Variants in ABCG5 observed in about 807,000 individuals in gnomAD.
The protein encoded by ABCG5 is ATP binding cassette subfamily G member 5.
A neutral mutation model predicts 64.5 loss-of-function variants in ABCG5; 64 were observed. The ratio of observed to expected loss-of-function variants is 0.99; its 90% CI spans 0.81 to 1.22. The LOEUF is 1.22. ABCG5 is among the 50% of genes most tolerant of loss of function. The probability of loss-of-function intolerance (pLI) is 0.00; values close to 1 mark genes in which losing one functional copy is unlikely to be tolerated. For synonymous variants in ABCG5, 385 were observed against 326.3 expected, an observed-to-expected ratio of 1.18 and a Z score of -1.94; for missense variants, 908 against 829.5, an observed-to-expected ratio of 1.09 and a Z score of -1.16.
intron 2 of ABCG5, among the ~76,000 whole-genome samples, chr2:43,837,116 C>A: frequency 7.0e-6 from 1 of 142,362 alleles, no homozygotes; most frequent in Admixed American, 7.2e-5. Context: ...TATTATTCTC[C>A]AGTCTTTTTT....
Position 43,838,251 on chromosome 2 carries a change from C to T in ABCG5, c.143+286G>A, listed in dbSNP as rs1051736570. 5.9e-5 allele frequency: 35 copies of T among 594,284 alleles called. No homozygotes were observed. Among genetic ancestry groups the T allele is most frequent in the Middle Eastern group, 9.1e-4 (2 of 2,202 alleles). 36.8% of individuals were successfully genotyped at this position (594,284 alleles called of 1,614,324 possible). A position where few individuals can be genotyped will look rare whatever the true frequency, so the allele number is the denominator to read the frequency against. On this transcript the variant is annotated intron_variant, in intron 1 of 12. Transcript: ENST00000405322. The surrounding 1 kb of genome is among the most constrained non-coding windows in gnomAD (Gnocchi z 4.2). ...TTCAAGACTCCTTGCATTCGCAGTA[C>T]CCCCATTCCCATCCACAGAGGGCAG...
chr2:43,823,017 T>C, intron 9 of ABCG5, 82 bp from the exon 10 acceptor site: 30 of 1,515,116 alleles, frequency 2.0e-5, no homozygotes, highest in Non-Finnish European at 2.7e-5. Flanking sequence ...GAATGTGAGG[T>C]CTGTCAGGGC....
intron 7 of ABCG5, 58 bp downstream of exon 7, chr2:43,824,831 T>C: frequency 6.2e-7 from 1 of 1,600,968 alleles, no homozygotes; most frequent in Non-Finnish European, 8.6e-7. Flanking sequence ...CAGGCAGAAG[T>C]CTGAGATGAG....
Position 43,837,948 on chromosome 2 carries a change from C to A in ABCG5, c.151G>T (p.Val51Leu). The A allele has an allele frequency of 6.2e-7, 1 of 1,613,980 alleles. No homozygotes were observed. Among genetic ancestry groups the A allele is most frequent in the Non-Finnish European group, 8.5e-7 (1 of 1,179,920 alleles). ...GATGTGATGTCCCACCAGGGCCTCA[C>A]GCGGTGGCTTTAAAGGAAACCCCAG... Reference protein sequence around the residue: ...LHASYSVSHRVRPWWDITSCR... With the variant: ...LHASYSVSHRLRPWWDITSCR... Residue 51 changes from valine to leucine, a missense_variant, in exon 2 of 13, where the codon GTG becomes TTG. By Grantham distance (32) the Val-to-Leu change is conservative. Coordinates refer to ENST00000405322, the MANE Select transcript of ABCG5 (RefSeq NM_022436.3).
intron 2 of ABCG5, among the ~76,000 whole-genome samples, chr2:43,835,958 A>T (rs1383895845): frequency 6.6e-6 from 1 of 150,880 alleles, no homozygotes; most frequent in East Asian, 1.9e-4. Flanking sequence ...TTTTTTTTTA[A>T]GATGGAGTCT....
chr2:43,837,058 A>G (rs1017692333), intron 2 of ABCG5, among the ~76,000 whole-genome samples: 1 of 149,946 alleles, frequency 6.7e-6, no homozygotes, highest in African/African-American at 2.4e-5. Flanking sequence ...AAGAAAAACG[A>G]CCAGATAAGA....
Position 43,814,550 on chromosome 2 carries a change from A to T in ABCG5, c.1689T>A (p.Ser563Arg), listed in dbSNP as rs1295585629. ...TGCAATATTTTTGGAATGTAAAATA[A>T]CTGATGATTTTAAAAGGAATGGGCA... ...QEMPIPFKII[S>R]YFTFQKYCSE... Residue 563 changes from serine (S) to arginine (R), a missense_variant, in exon 12 of 13, where the codon AGT becomes AGA. Ser to Arg is a moderately radical substitution (Grantham distance 110, BLOSUM62 -1). Transcript: ENST00000405322. 6.2e-7 allele frequency: 1 copy of T among 1,608,452 alleles called. No homozygotes were observed. The highest frequency in any genetic ancestry group is 2.2e-5 in the East Asian group (1 of 44,730).
chr2:43,834,106 G>A (rs963230500), intron 2 of ABCG5, among the ~76,000 whole-genome samples: 4 of 152,218 alleles, frequency 2.6e-5, no homozygotes, highest in African/African-American at 9.7e-5. Flanking sequence ...TAGCCCCTGC[G>A]TGTTCAGGAG....
intron 5 of ABCG5, 46 bp from the exon 6 acceptor site, chr2:43,826,567 G>A: frequency 6.2e-7 from 1 of 1,613,714 alleles, no homozygotes; most frequent in Non-Finnish European, 8.5e-7. Context: ...GCAGAGCCCA[G>A]GCTCTGTGCT....
rs767648807 is a variant in ABCG5 at position 43,824,415 on chromosome 2, C to G, written c.922G>C (p.Asp308His). Reference sequence around the variant, plus strand: ...ATTTCCCGTTCCTTGCTTTGGGTATCCACTGACGTCAGGTCCACTAAAAGT... The same window carrying G: ...ATTTCCCGTTCCTTGCTTTGGGTATGCACTGACGTCAGGTCCACTAAAAGT... Reference protein sequence around the residue: ...FDFYMDLTSVDTQSKEREIET... With the variant: ...FDFYMDLTSVHTQSKEREIET... The change falls in exon 8 of 13, where the codon GAT becomes CAT. Residue 308 changes from aspartate to histidine, a missense_variant. By Grantham distance (81) the Asp-to-His change is moderately conservative (BLOSUM62 -1). Transcript: ENST00000405322. The G allele has an allele frequency of 6.2e-7, 1 of 1,613,990 alleles. No homozygotes were observed. The highest frequency in any genetic ancestry group is 1.1e-5 in the South Asian group (1 of 91,074).
downstream of ABCG5, among the ~76,000 whole-genome samples, chr2:43,808,596 T>C (rs745957459): frequency 6.6e-6 from 1 of 152,186 alleles, no homozygotes; most frequent in Non-Finnish European, 1.5e-5. Flanking sequence ...TTGTGCAGGA[T>C]AGCCACCTCC....
chr2:43,811,369 T>C (rs1666474030), downstream of ABCG5, among the ~76,000 whole-genome samples: 1 of 152,230 alleles, frequency 6.6e-6, no homozygotes, highest in South Asian at 2.1e-4. Flanking sequence ...AGAATTTTAC[T>C]GTGGTTTCCT....
At chr2:43,809,822 A>G (rs1572729298), downstream of ABCG5, 16 of 1,548,852 alleles carry the variant, frequency 1.0e-5, no homozygotes, top group Middle Eastern at 6.5e-4. Flanking sequence ...AAATAAGATT[A>G]TACTGTGAAT....
intron 12 of ABCG5, 59 bp from the exon 13 acceptor site, chr2:43,813,368 A>G: frequency 7.9e-7 from 1 of 1,262,288 alleles, no homozygotes; most frequent in South Asian, 1.2e-5. Context: ...TTTAATCAAC[A>G]AGTATTTACC....
At chr2:43,813,416 C>T (rs1367876610) in intron 12 of ABCG5, 107 bp from the exon 13 acceptor site, 2 of 795,640 alleles carry the variant, frequency 2.5e-6, no homozygotes, top group Non-Finnish European at 4.3e-6. Context: ...AAATACAGGA[C>T]ACTTTAGCAA....
upstream of ABCG5, chr2:43,839,226 C>T (rs1668471534): frequency 8.3e-7 from 1 of 1,211,718 alleles, no homozygotes; most frequent in South Asian, 1.3e-5. Context: ...GGACATCAAG[C>T]AGTGTGAGGA....
Position 43,838,747 on chromosome 2 carries a change from G to C in ABCG5, c.-68C>G. On this transcript the variant is annotated 5_prime_UTR_variant, in exon 1 of 13. Transcript: ENST00000405322. This position sits in a 1 kb window ranked among gnomAD's most constrained non-coding sequence, Gnocchi z 4.2. ...ACCCTCCCCAGAGTGGCTTCAGTTG[G>C]GGAGCCCGTGGCAGACTGCCCTGCC... 6.3e-7 allele frequency: 1 copy of C among 1,584,544 alleles called. No homozygotes were observed. The highest frequency in any genetic ancestry group is 2.3e-5 in the East Asian group (1 of 42,814).
intron 10 of ABCG5, chr2:43,822,469 C>CG: frequency 4.9e-6 from 4 of 815,088 alleles, no homozygotes; most frequent in Non-Finnish European, 5.7e-6. Flanking sequence ...GCTTTCTCCC[C>CG]TCCCCCAGGC....
intron 10 of ABCG5, among the ~76,000 whole-genome samples, chr2:43,820,626 T>G (rs2104789279): frequency 6.6e-6 from 1 of 152,312 alleles, no homozygotes; most frequent in South Asian, 2.1e-4. Context: ...TCTTGTCTTT[T>G]ATTCTACCAA....
Sources: gnomAD v4.1 joint callset for allele counts (sites outside exome capture counted in the v4.1 genomes callset) on GRCh38, gnomAD v4.1.1 for gene constraint, Gnocchi (gnomAD v3.1) non-coding constraint, MANE v1.5 for transcripts, NCBI Gene and HGNC (gene_info 2026-07-23, HGNC 2026-07-21) for gene names.